The following CACHD1 variants were observed in gnomAD, a reference collection of about 807,000 sequenced individuals.
CACHD1 encodes VWFA and cache domain-containing protein 1.
CACHD1 carries 71 observed loss-of-function variants against 138.7 expected under a neutral mutation model. The observed-to-expected ratio is 0.51, with a 90% CI of 0.42 to 0.62. The LOEUF (loss-of-function observed/expected upper bound fraction) is 0.62. Among genes scored for constraint, CACHD1 ranks in the 20% least tolerant of loss-of-function variants. The pLI is 0.00. For synonymous variants in CACHD1, 578 were observed against 591.5 expected (o/e 0.98, Z 0.33); for missense variants, 1,389 against 1,625.3 (o/e 0.85, Z 2.50).
chr1:64,615,456 A>C (rs1444521193), intron 4 of CACHD1, among the ~76,000 whole-genome samples: 4 of 152,166 alleles, frequency 2.6e-5, no homozygotes, highest in Non-Finnish European at 4.4e-5. Flanking sequence ...TGTATGGCAC[A>C]TTCTTACTGC....
rs764841351 is a variant in CACHD1, at chr1:64,664,564, A to G, written c.2161A>G (p.Met721Val). 1.9e-6 allele frequency: 3 copies of G among 1,614,218 alleles called. No homozygotes were observed. Among genetic ancestry groups the G allele is most frequent in the Non-Finnish European group, 2.5e-6 (3 of 1,180,022 alleles). ...VTDEWMTQMEMSSLNTYIVRR... is the reference protein window; with the variant it reads ...VTDEWMTQMEVSSLNTYIVRR... ...AGATGAATGGATGACACAAATGGAA[A>G]TGAGTAGCCTGAACACTTACATTGT... Residue 721 changes from methionine (M) to valine (V), a missense_variant, in exon 15 of 27, where the codon ATG becomes GTG. By Grantham distance (21) the Met-to-Val change is conservative (BLOSUM62 1). Transcript: ENST00000651257.
chr1:64,655,737 A>G (rs575541321), intron 12 of CACHD1, among the ~76,000 whole-genome samples: 8 of 152,272 alleles, frequency 5.3e-5, no homozygotes, highest in Admixed American at 1.3e-4. Context: ...TTCCTTCCCA[A>G]TGTAGCATAG....
At chr1:64,658,400 A>T (rs1649334689) in intron 12 of CACHD1, among the ~76,000 whole-genome samples, 1 of 152,130 alleles carries the variant, frequency 6.6e-6, no homozygotes, top group Admixed American at 6.5e-5. Flanking sequence ...GTGCTCATTA[A>T]CCCACATTAG....
chr1:64,525,820 G>T (rs1646534243), intron 1 of CACHD1, among the ~76,000 whole-genome samples: 1 of 152,198 alleles, frequency 6.6e-6, no homozygotes, highest in Non-Finnish European at 1.5e-5. Flanking sequence ...AAAACTGTAG[G>T]TGAGGAAGAA....
intron 1 of CACHD1, among the ~76,000 whole-genome samples, chr1:64,532,393 G>C (rs1354425333): frequency 6.6e-6 from 1 of 152,190 alleles, no homozygotes; most frequent in Non-Finnish European, 1.5e-5. Flanking sequence ...CTGCAGACAC[G>C]AGTAGAGCAT....
At chr1:64,659,416 G>A (rs1649371350) in intron 13 of CACHD1, among the ~76,000 whole-genome samples, 1 of 152,096 alleles carries the variant, frequency 6.6e-6, no homozygotes, top group Admixed American at 6.5e-5. Flanking sequence ...AACAGTAAAA[G>A]GCCTCCAAAG....
intron 2 of CACHD1, among the ~76,000 whole-genome samples, chr1:64,567,624 T>G (rs1646892833): frequency 6.6e-6 from 1 of 152,160 alleles, no homozygotes; most frequent in African/African-American, 2.4e-5. Flanking sequence ...GTGATAGGAT[T>G]GGGATTTTAG....
rs1553146851 is a variant in CACHD1, at chr1:64,681,541, G to GGTTTTTTTTTTTTTTTTTTTT, written c.3484+206_3484+207insGTTTTTTTTTTTTTTTTTTTT. On this transcript the variant is annotated intron_variant, in intron 25 of 26. Coordinates refer to ENST00000651257, the MANE Select transcript of CACHD1 (RefSeq NM_020925.4). ...AGAGAATCTCAAAAGATTTTATTGT[G>GGTTTTTTTTTTTTTTTTTTTT]TTTTTTTTTTTTTTTTTTTTTTTGC... Among the ~76,000 whole-genome samples the GGTTTTTTTTTTTTTTTTTTTT allele has an allele frequency of 2.8e-4, 19 of 68,142 alleles. 2 individuals carry two copies. Among genetic ancestry groups the GGTTTTTTTTTTTTTTTTTTTT allele is most frequent in the African/African-American group, 1.1e-3 (15 of 13,656 alleles). 44.7% of individuals were successfully genotyped at this position (68,142 alleles called of 152,430 possible).
At chr1:64,519,280 A>G (rs1422296630) in intron 1 of CACHD1, among the ~76,000 whole-genome samples, 1 of 152,192 alleles carries the variant, frequency 6.6e-6, no homozygotes, top group Admixed American at 6.5e-5. Flanking sequence ...CAGATGCTAA[A>G]TGATCTGGCT....
chr1:64,493,659 C>T (rs1396481396), intron 1 of CACHD1, among the ~76,000 whole-genome samples: 1 of 152,176 alleles, frequency 6.6e-6, no homozygotes, highest in Admixed American at 6.5e-5. Context: ...TTGTGGCAGC[C>T]TCATTGGACA....
intron 2 of CACHD1, among the ~76,000 whole-genome samples, chr1:64,567,223 TC>T (rs1454397839): frequency 6.6e-6 from 1 of 152,126 alleles, no homozygotes; most frequent in East Asian, 1.9e-4. Flanking sequence ...AAAGAGCTTA[TC>T]CCAAGGACGT....
chr1:64,526,698 T>G (rs961758530), intron 1 of CACHD1, among the ~76,000 whole-genome samples: 12 of 152,226 alleles, frequency 7.9e-5, no homozygotes, highest in African/African-American at 2.9e-4. Context: ...TTTATTTTTT[T>G]CCCTGTAAGT....
intron 24 of CACHD1, 84 bp downstream of exon 24, chr1:64,679,840 T>A: frequency 6.9e-7 from 1 of 1,457,840 alleles, no homozygotes; most frequent in Non-Finnish European, 9.3e-7. Context: ...TAAGGAACTG[T>A]CAGAACAGTG....
chr1:64,555,425 G>T (rs964908025), intron 2 of CACHD1, among the ~76,000 whole-genome samples: 2 of 151,984 alleles, frequency 1.3e-5, no homozygotes, highest in African/African-American at 4.8e-5. Context: ...CTTTTTGTTT[G>T]TTTGTTTGTT....
At chr1:64,587,155 T>G (rs1647056974) in intron 3 of CACHD1, among the ~76,000 whole-genome samples, 1 of 152,220 alleles carries the variant, frequency 6.6e-6, no homozygotes, top group Non-Finnish European at 1.5e-5. Flanking sequence ...ACTAACATTT[T>G]AAGTGCCTGT....
chr1:64,578,745 G>C (rs1367637278), intron 2 of CACHD1, among the ~76,000 whole-genome samples: 1 of 152,222 alleles, frequency 6.6e-6, no homozygotes, highest in African/African-American at 2.4e-5. Context: ...GCCTCTCCAT[G>C]TGTCTTGGAC....
chr1:64,543,866 C>CTT (rs370129207), intron 1 of CACHD1, among the ~76,000 whole-genome samples: 35,814 of 77,678 alleles, frequency 0.46, 8,922 homozygotes, highest in Non-Finnish European at 0.59. Context: ...CTTTTCAGTG[C>CTT]TTTTTTTTTT....
intron 4 of CACHD1, among the ~76,000 whole-genome samples, chr1:64,627,709 T>C (rs1648160370): frequency 6.6e-6 from 1 of 152,176 alleles, no homozygotes; most frequent in Non-Finnish European, 1.5e-5. Flanking sequence ...CACCCACTTT[T>C]ATTTGAGGCC....
At chr1:64,611,108 G>A (rs530126278) in intron 4 of CACHD1, among the ~76,000 whole-genome samples, 1 of 152,300 alleles carries the variant, frequency 6.6e-6, no homozygotes, top group Non-Finnish European at 1.5e-5. Context: ...GGGACACAGA[G>A]CACCACATCC....
Sources: allele counts gnomAD v4.1 joint callset (sites outside exome capture counted in the v4.1 genomes callset), GRCh38; gene constraint gnomAD v4.1.1; transcripts MANE v1.5; gene names NCBI Gene and HGNC (gene_info 2026-07-23, HGNC 2026-07-21).